FAM227B: variants seen among roughly 807,000 people sequenced by gnomAD.
FAM227B encodes the protein protein FAM227B.
In FAM227B, 88 loss-of-function variants were observed where a neutral mutation model predicts 73.8. That is an observed-to-expected ratio of 1.19 (90% CI 1.00 to 1.42). The LOEUF is 1.42. Ranked by LOEUF, FAM227B falls within the 40% of genes most tolerant of loss-of-function variation. The pLI is 0.00. For synonymous variants in FAM227B, 210 were observed against 190.5 expected (o/e 1.10, Z -0.84); for missense variants, 632 against 590.9 (o/e 1.07, Z -0.72).
intron 10 of FAM227B, among the ~76,000 whole-genome samples, chr15:49,540,545 G>A (rs1427982003): frequency 2.0e-5 from 3 of 152,104 alleles, no homozygotes; most frequent in Admixed American, 6.5e-5. Flanking sequence ...CTAATCCACC[G>A]TGTTGCTCAT....
chr15:49,618,853 T>C (rs536551521), intron 1 of FAM227B, among the ~76,000 whole-genome samples: 1 of 152,208 alleles, frequency 6.6e-6, no homozygotes, highest in African/African-American at 2.4e-5. Context: ...AGTAGAAGGG[T>C]TGGGTACTAC....
chr15:49,550,136 G>T (rs374200756), intron 9 of FAM227B, among the ~76,000 whole-genome samples: 1 of 138,670 alleles, frequency 7.2e-6, no homozygotes. Context: ...CCTCCCGGAC[G>T]GGGCGGCTGG....
rs574376308 is a variant in FAM227B, at chr15:49,488,724, G to A, written c.1012+19487C>T. 4 of 152,064 alleles carry A rather than the reference G, an allele frequency of 2.6e-5. No individual in the cohort carries two copies. In the South Asian group the frequency reaches 8.3e-4, roughly 32 times the overall value. The allele number at this position is 152,064 out of a possible 1,614,324, so 9.4% of individuals were successfully genotyped here. A position where few individuals can be genotyped will look rare whatever the true frequency, so the allele number is the denominator to read the frequency against. Reference sequence around the variant, plus strand: ...CTTCTCTTGATGAATCCTTCCATGTGTTAGTTATCTATTGCTGTGTAACAA... The same window carrying A: ...CTTCTCTTGATGAATCCTTCCATGTATTAGTTATCTATTGCTGTGTAACAA... On this transcript the variant is annotated intron_variant, in intron 11 of 15. Coordinates refer to ENST00000299338, the MANE Select transcript of FAM227B (RefSeq NM_152647.3).
chr15:49,345,925 G>C (rs1333137356), intron 13 of FAM227B, among the ~76,000 whole-genome samples: 1 of 152,098 alleles, frequency 6.6e-6, no homozygotes, highest in Non-Finnish European at 1.5e-5. Context: ...GAGAGACTCA[G>C]GAAAAGAATG....
chr15:49,604,967 G>C (rs1177525525), intron 3 of FAM227B, among the ~76,000 whole-genome samples: 1 of 151,646 alleles, frequency 6.6e-6, no homozygotes, highest in Non-Finnish European at 1.5e-5. Context: ...GATTTTCTTT[G>C]TGTTCTCTTG....
chr15:49,558,301 G>A (rs1026574963), intron 9 of FAM227B, among the ~76,000 whole-genome samples: 7 of 152,202 alleles, frequency 4.6e-5, no homozygotes, highest in African/African-American at 1.7e-4. Context: ...GTCAGTCACA[G>A]CTCTGCATTT....
At chr15:49,489,883 T>TAGAG (rs35994302) in intron 11 of FAM227B, among the ~76,000 whole-genome samples, 293 of 22,942 alleles carry the variant, frequency 0.013, 37 homozygotes, top group Middle Eastern at 0.038. Context: ...TATATATATA[T>TAGAG]AGAGAGAGAG....
intron 11 of FAM227B, among the ~76,000 whole-genome samples, chr15:49,405,470 A>T (rs184184997): frequency 3.3e-5 from 5 of 152,058 alleles, no homozygotes; most frequent in African/African-American, 9.7e-5. Flanking sequence ...TTTTTTCTCT[A>T]TTCTTGTCCA....
At chr15:49,404,285 C>T (rs187827560) in intron 11 of FAM227B, among the ~76,000 whole-genome samples, 120 of 152,204 alleles carry the variant, frequency 7.9e-4, no homozygotes, top group African/African-American at 2.6e-3. Context: ...CCATTTGATC[C>T]AGTGCTGAGT....
chr15:49,577,299 A>C, intron 6 of FAM227B: 1 of 331,110 alleles, frequency 3.0e-6, no homozygotes, highest in Non-Finnish European at 5.8e-6. Flanking sequence ...CCCATTCCCC[A>C]CACCCCCTGC....
At chr15:49,373,422 A>T (rs1362300201) in intron 11 of FAM227B, among the ~76,000 whole-genome samples, 1 of 152,096 alleles carries the variant, frequency 6.6e-6, no homozygotes, top group African/African-American at 2.4e-5. Context: ...TAACCCATTG[A>T]TTAGTTTTAG....
At chr15:49,566,590 T>C (rs1045522291) in intron 9 of FAM227B, among the ~76,000 whole-genome samples, 16 of 152,180 alleles carry the variant, frequency 1.1e-4, no homozygotes, top group African/African-American at 3.6e-4. Flanking sequence ...CCTTAGGAAA[T>C]ATAAATCAGA....
At chr15:49,411,429 AATG>A (rs1051861637) in intron 11 of FAM227B, among the ~76,000 whole-genome samples, 1 of 152,082 alleles carries the variant, frequency 6.6e-6, no homozygotes, top group African/African-American at 2.4e-5. Flanking sequence ...GAAAATGAAC[AATG>A]ATATTTTTGA....
intron 11 of FAM227B, among the ~76,000 whole-genome samples, chr15:49,376,314 C>T (rs1038685482): frequency 6.6e-6 from 1 of 151,908 alleles, no homozygotes; most frequent in Non-Finnish European, 1.5e-5. Flanking sequence ...GTGTGAGGTA[C>T]AAGTCCAACT....
chr15:49,353,636 T>A, intron 13 of FAM227B: 1 of 132,208 alleles, frequency 7.6e-6, no homozygotes. Context: ...TTTTGTAAAA[T>A]CTCATAAATA....
chr15:49,350,672 G>A (rs769138880), intron 13 of FAM227B, among the ~76,000 whole-genome samples: 17 of 152,154 alleles, frequency 1.1e-4, no homozygotes, highest in African/African-American at 2.4e-4. Flanking sequence ...GCCTTTTCCC[G>A]TAATCTAATT....
intron 13 of FAM227B, among the ~76,000 whole-genome samples, chr15:49,354,327 T>C (rs1339394573): frequency 6.6e-6 from 1 of 152,198 alleles, no homozygotes; most frequent in African/African-American, 2.4e-5. Context: ...CATTTCCATC[T>C]GAGGTACCGG....
In FAM227B at chr15:49,594,518, G is replaced by A. The variant is rs1298517910; in HGVS notation, c.106-4511C>T. On this transcript the variant is annotated intron_variant, in intron 3 of 15. Transcript: ENST00000299338. ...CTTTGCCTCTGCCAATGTCTAGAAG[G>A]GTTTTTCCAATATTATCTTCAGATC... is the stretch of plus-strand genomic sequence containing the variant. Among the ~76,000 whole-genome samples the A allele has an allele frequency of 1.3e-4, 19 of 151,940 alleles. 1 individual carries two copies. Among genetic ancestry groups the A allele is most frequent in the Admixed American group, 1.2e-3 (19 of 15,248 alleles).
intron 10 of FAM227B, among the ~76,000 whole-genome samples, chr15:49,515,031 A>C (rs912258920): frequency 5.3e-5 from 8 of 152,138 alleles, no homozygotes; most frequent in African/African-American, 1.9e-4. Flanking sequence ...ATTTAGGAAG[A>C]TCTCAGCCAT....
Sources: allele counts gnomAD v4.1 joint callset (sites outside exome capture counted in the v4.1 genomes callset), GRCh38; gene constraint gnomAD v4.1.1; transcripts MANE v1.5; gene names NCBI Gene and HGNC (gene_info 2026-07-23, HGNC 2026-07-21).